TACC1: variants seen among roughly 807,000 people sequenced by gnomAD.
TACC1 encodes the protein transforming acidic coiled-coil-containing protein 1.
In TACC1, 48 loss-of-function variants were observed where a neutral mutation model predicts 84.4. The observed-to-expected ratio is 0.57, with a 90% CI of 0.45 to 0.72. TACC1 has a LOEUF of 0.72. TACC1 is among the 30% of genes least tolerant of loss of function. The pLI is 0.00. For synonymous variants in TACC1, 372 were observed against 376.3 expected, an observed-to-expected ratio of 0.99 and a Z score of 0.13; for missense variants, 920 against 973.0, an observed-to-expected ratio of 0.95 and a Z score of 0.72.
intron 3 of TACC1, among the ~76,000 whole-genome samples, chr8:38,824,943 G>A (rs1043300086): frequency 2.6e-5 from 4 of 152,176 alleles, no homozygotes; most frequent in African/African-American, 9.6e-5. Context: ...AAAGCCAAGC[G>A]AGTGAGGCTC....
At chr8:38,831,322 CAT>C in intron 6 of TACC1, 145 bp downstream of exon 6, 3 of 815,250 alleles carry the variant, frequency 3.7e-6, no homozygotes, top group Non-Finnish European at 4.0e-6. Context: ...TTGAGGAACA[CAT>C]AGTCTCTGCA....
chr8:38,819,943 C>T lies in TACC1; in HGVS notation c.699C>T (p.Pro233=). The T allele has an allele frequency of 6.2e-7, 1 of 1,614,158 alleles. No individual in the cohort carries two copies. The highest frequency in any genetic ancestry group is 1.1e-5 in the South Asian group (1 of 91,086). ...GCAGAAGAAGCAAGCTGAGAAAGCC[C>T]AAGCCTGTCCCCCTGAGGAAGAAAG... The part of the protein sequence containing the change: ...VPSRRSKLRK[P]KPVPLRKKAI... The change falls in exon 3 of 13, where the codon CCC becomes CCT. Residue 233 remains proline (P), a synonymous_variant. Coordinates refer to ENST00000317827, the MANE Select transcript of TACC1 (RefSeq NM_006283.3).
chr8:38,816,562 C>T (rs1825479258), intron 2 of TACC1, among the ~76,000 whole-genome samples: 1 of 151,858 alleles, frequency 6.6e-6, no homozygotes, highest in South Asian at 2.1e-4. Context: ...CTCATAACTC[C>T]TCTTCTCAGT....
chr8:38,782,336 C>T (rs1165209408), upstream of TACC1, among the ~76,000 whole-genome samples: 4 of 152,252 alleles, frequency 2.6e-5, no homozygotes, highest in South Asian at 4.1e-4. Context: ...CATGTCCCTA[C>T]AAAGGATATG....
exon 1 of TACC1, chr8:38,787,230 AGGCGGG>A: frequency 1.0e-6 from 1 of 1,003,834 alleles, no homozygotes; most frequent in South Asian, 4.6e-5. Flanking sequence ...GCCGGCCGGG[AGGCGGG>A]AGTCCGCGAG....
At chr8:38,840,140 G>A in intron 8 of TACC1, 84 bp from the exon 9 acceptor site, 1 of 974,278 alleles carries the variant, frequency 1.0e-6, no homozygotes, top group Non-Finnish European at 1.6e-6. Context: ...ATGTTAATGT[G>A]TTTAATTGTT....
At chr8:38,795,152 T>C (rs1479846586) in intron 2 of TACC1, among the ~76,000 whole-genome samples, 1 of 152,206 alleles carries the variant, frequency 6.6e-6, no homozygotes, top group Non-Finnish European at 1.5e-5. Context: ...CCTGCTTCTA[T>C]ATGGTGCCTT....
intron 3 of TACC1, among the ~76,000 whole-genome samples, chr8:38,823,006 T>C (rs1371328393): frequency 1.3e-5 from 2 of 152,206 alleles, no homozygotes; most frequent in African/African-American, 4.8e-5. Context: ...GGATGAAATA[T>C]GGGAGTATGA....
At chr8:38,813,609 C>T (rs1824748959) in intron 2 of TACC1, among the ~76,000 whole-genome samples, 1 of 152,158 alleles carries the variant, frequency 6.6e-6, no homozygotes, top group African/African-American at 2.4e-5. Context: ...CATGTTAACT[C>T]CAATCACATG....
intron 2 of TACC1, among the ~76,000 whole-genome samples, chr8:38,798,168 G>C (rs1162123307): frequency 6.6e-6 from 1 of 151,360 alleles, no homozygotes; most frequent in Non-Finnish European, 1.5e-5. Context: ...GTGTTGCCCA[G>C]GCTGGAGTGT....
intron 2 of TACC1, among the ~76,000 whole-genome samples, chr8:38,743,737 C>T (rs1346115463): frequency 1.3e-5 from 2 of 152,078 alleles, no homozygotes; most frequent in African/African-American, 4.8e-5. Flanking sequence ...TAAAAGAAAT[C>T]TGGGCCAGGC....
chr8:38,766,263 G>A (rs1359118699), intron 3 of TACC1, among the ~76,000 whole-genome samples: 1 of 152,052 alleles, frequency 6.6e-6, no homozygotes, highest in African/African-American at 2.4e-5. Flanking sequence ...TTCATTGTTT[G>A]TACAATTGTA....
intron 3 of TACC1, among the ~76,000 whole-genome samples, chr8:38,747,580 A>G: frequency 6.6e-6 from 1 of 152,226 alleles, no homozygotes; most frequent in East Asian, 1.9e-4. Context: ...CATATTACTA[A>G]CTGAAAAAAG....
At chr8:38,729,990 T>C (rs750576396) in intron 1 of TACC1, among the ~76,000 whole-genome samples, 2 of 152,238 alleles carry the variant, frequency 1.3e-5, no homozygotes, top group Non-Finnish European at 2.9e-5. Context: ...GGACCTCCTC[T>C]TCCCACTTCC....
chr8:38,826,923 A>G (rs183868396), intron 4 of TACC1, among the ~76,000 whole-genome samples: 105 of 152,350 alleles, frequency 6.9e-4, no homozygotes, highest in African/African-American at 2.3e-3. Flanking sequence ...CTGCTTGCTT[A>G]TAAACTTAAC....
At chr8:38,736,317 C>G (rs1252240744) in intron 1 of TACC1, among the ~76,000 whole-genome samples, 1 of 152,166 alleles carries the variant, frequency 6.6e-6, no homozygotes, top group East Asian at 1.9e-4. Flanking sequence ...GATAACCTGG[C>G]TGGGCACTGT....
Position 38,827,278 on chromosome 8 carries a change from C to T in TACC1, c.1563C>T (p.Ala521=), listed in dbSNP as rs1446645894. ...CATGTGGTCAGAAATCAGCTGGTGC[C>T]GAGGTGAAAGGTGAGCCAGAGGAAG... The part of the protein sequence containing the change: ...STSCGQKSAG[A]EVKGEPEEDL... Residue 521 remains alanine, a synonymous_variant, in exon 5 of 13, where the codon GCC becomes GCT. Coordinates refer to ENST00000317827, the MANE Select transcript of TACC1 (RefSeq NM_006283.3). 3 of 1,614,136 alleles carry T rather than the reference C, an allele frequency of 1.9e-6. No homozygotes were observed. Among genetic ancestry groups the T allele is most frequent in the Non-Finnish European group, 1.7e-6 (2 of 1,180,020 alleles).
intron 3 of TACC1, chr8:38,757,184 A>T: frequency 1.1e-6 from 1 of 885,264 alleles, no homozygotes; most frequent in Non-Finnish European, 1.4e-6. Context: ...CCGCTTTCCC[A>T]GCGGCGGGGA....
chr8:38,773,573 GCTAGCTATCTAT>G (rs1814121147), intron 3 of TACC1, among the ~76,000 whole-genome samples: 1 of 116,406 alleles, frequency 8.6e-6, no homozygotes, highest in Admixed American at 8.1e-5. Flanking sequence ...TATCTATCTA[GCTAGCTATCTAT>G]CTAGCTATCT....
Sources: gnomAD v4.1 joint callset for allele counts (sites outside exome capture counted in the v4.1 genomes callset) on GRCh38, gnomAD v4.1.1 for gene constraint, MANE v1.5 for transcripts, NCBI Gene and HGNC (gene_info 2026-07-23, HGNC 2026-07-21) for gene names.